UGT8: variants seen among roughly 807,000 people sequenced by gnomAD.
The protein encoded by UGT8 is 2-hydroxyacylsphingosine 1-beta-galactosyltransferase.
UGT8 carries 12 observed loss-of-function variants against 40.5 expected under a neutral mutation model. The ratio of observed to expected loss-of-function variants is 0.30; its 90% CI spans 0.19 to 0.48. The LOEUF is 0.48. UGT8 is among the 20% of genes least tolerant of loss of function. The pLI is 0.99. For synonymous variants in UGT8, 224 were observed against 240.4 expected, an observed-to-expected ratio of 0.93 and a Z score of 0.63; for missense variants, 513 against 648.7, an observed-to-expected ratio of 0.79 and a Z score of 2.27.
intron 1 of UGT8, among the ~76,000 whole-genome samples, chr4:114,612,396 T>A (rs1453249544): frequency 1.3e-5 from 2 of 152,154 alleles, no homozygotes; most frequent in Non-Finnish European, 2.9e-5. Flanking sequence ...TTGATTGAAC[T>A]ACATTGTAGA....
At chr4:114,600,640 A>C (rs28616190) in intron 1 of UGT8, among the ~76,000 whole-genome samples, 7,780 of 152,252 alleles carry the variant, frequency 0.051, 421 homozygotes, top group African/African-American at 0.13. Context: ...CCCAATGGTT[A>C]TCTTTAACCA....
intron 1 of UGT8, among the ~76,000 whole-genome samples, chr4:114,611,182 C>T (rs574113217): frequency 7.9e-5 from 12 of 151,814 alleles, no homozygotes; most frequent in African/African-American, 2.9e-4. Context: ...AACGTATACA[C>T]GTTAGACTGT....
At chr4:114,633,552 C>T (rs973949338) in intron 2 of UGT8, among the ~76,000 whole-genome samples, 1 of 152,166 alleles carries the variant, frequency 6.6e-6, no homozygotes, top group African/African-American at 2.4e-5. Flanking sequence ...GAGAGATGAA[C>T]AGAGATGATA....
chr4:114,670,539 C>T (rs550266961), intron 5 of UGT8, among the ~76,000 whole-genome samples: 10 of 149,742 alleles, frequency 6.7e-5, no homozygotes, highest in Non-Finnish European at 1.3e-4. Flanking sequence ...TAATCTATCA[C>T]ATAAACAGAA....
chr4:114,662,352 T>G (rs187215299), intron 2 of UGT8, among the ~76,000 whole-genome samples: 18 of 152,312 alleles, frequency 1.2e-4, no homozygotes, highest in Admixed American at 6.5e-5. Flanking sequence ...TACAGCTCAC[T>G]GTCACTGTCC....
chr4:114,615,893 C>T (rs1469072272), intron 1 of UGT8, among the ~76,000 whole-genome samples: 1 of 30,532 alleles, frequency 3.3e-5, no homozygotes, highest in Non-Finnish European at 1.8e-4. Context: ...GGGTATCAGG[C>T]AGCAGAGGCT....
At chr4:114,633,652 A>G (rs1002830594) in intron 2 of UGT8, among the ~76,000 whole-genome samples, 21 of 152,160 alleles carry the variant, frequency 1.4e-4, no homozygotes, top group African/African-American at 5.1e-4. Context: ...CTTTTAGAAA[A>G]TCCACACTCT....
At chr4:114,663,956 T>C (rs764919860) in intron 2 of UGT8, 39 bp from the exon 3 acceptor site, 1 of 1,610,642 alleles carries the variant, frequency 6.2e-7, no homozygotes, top group Non-Finnish European at 8.5e-7. Context: ...TAAACTACAT[T>C]GGTCTTCGTA....
chr4:114,613,955 G>A (rs1731238329), intron 1 of UGT8, among the ~76,000 whole-genome samples: 1 of 152,168 alleles, frequency 6.6e-6, no homozygotes, highest in African/African-American at 2.4e-5. Context: ...GATACATACT[G>A]TGTACAAGGT....
intron 2 of UGT8, among the ~76,000 whole-genome samples, chr4:114,625,649 A>G (rs1201148132): frequency 2.0e-5 from 3 of 148,986 alleles, no homozygotes; most frequent in Non-Finnish European, 3.0e-5. Flanking sequence ...TTTATGTTTT[A>G]TTTTCAATAC....
chr4:114,630,014 TGG>T (rs1250648881), intron 2 of UGT8, among the ~76,000 whole-genome samples: 2 of 152,200 alleles, frequency 1.3e-5, no homozygotes, highest in East Asian at 3.8e-4. Context: ...ACACCAGTTT[TGG>T]GGGATGATAT....
chr4:114,600,324 C>T (rs1379971755), intron 1 of UGT8, among the ~76,000 whole-genome samples: 1 of 152,152 alleles, frequency 6.6e-6, no homozygotes, highest in Non-Finnish European at 1.5e-5. Flanking sequence ...CCTTGTACTA[C>T]CAGTTTTTCA....
chr4:114,625,934 C>T (rs976798546), intron 2 of UGT8, among the ~76,000 whole-genome samples: 6 of 151,942 alleles, frequency 3.9e-5, no homozygotes, highest in African/African-American at 7.3e-5. Flanking sequence ...TTTTGAAATG[C>T]GTTTTTTGTT....
chr4:114,657,895 T>C (rs549146450), intron 2 of UGT8, among the ~76,000 whole-genome samples: 1 of 152,294 alleles, frequency 6.6e-6, no homozygotes, highest in South Asian at 2.1e-4. Context: ...TCAGAGAGAA[T>C]AGGTGGCATC....
chr4:114,668,543 C>T (rs1040172182), intron 5 of UGT8, among the ~76,000 whole-genome samples: 1 of 152,192 alleles, frequency 6.6e-6, no homozygotes, highest in Non-Finnish European at 1.5e-5. Flanking sequence ...CAGGGAGAAA[C>T]TGCAATGGGA....
intron 2 of UGT8, among the ~76,000 whole-genome samples, chr4:114,657,852 C>T (rs1055778727): frequency 6.6e-6 from 1 of 152,028 alleles, no homozygotes; most frequent in African/African-American, 2.4e-5. Context: ...TGTAAAGTAT[C>T]GTAAGTGTTT....
intron 1 of UGT8, among the ~76,000 whole-genome samples, chr4:114,612,345 A>C (rs1389112851): frequency 6.6e-6 from 1 of 152,120 alleles, no homozygotes; most frequent in Non-Finnish European, 1.5e-5. Context: ...TAAAAAAGCC[A>C]AAAACCCTTA....
intron 3 of UGT8, 65 bp from the exon 4 acceptor site, chr4:114,665,615 C>A (rs543672913): frequency 1.5e-6 from 2 of 1,362,500 alleles, no homozygotes; most frequent in Non-Finnish European, 2.0e-6. Context: ...ATAATTTAAT[C>A]AGAGAGCCCA....
intron 2 of UGT8, among the ~76,000 whole-genome samples, chr4:114,663,203 G>GGCT (rs1734658808): frequency 6.6e-6 from 1 of 152,060 alleles, no homozygotes; most frequent in African/African-American, 2.4e-5. Context: ...GCAGAAGCAT[G>GGCT]GCTGACACAG....
Sources: gnomAD v4.1 joint callset for allele counts (sites outside exome capture counted in the v4.1 genomes callset) on GRCh38, gnomAD v4.1.1 for gene constraint, MANE v1.5 for transcripts, NCBI Gene and HGNC (gene_info 2026-07-23, HGNC 2026-07-21) for gene names.